The following SNTG1 variants were observed in gnomAD, a reference collection of about 807,000 sequenced individuals.
SNTG1 encodes syntrophin gamma 1, also known as gamma-1-syntrophin.
Under a neutral mutation model 74.7 loss-of-function variants are expected in SNTG1, and 39 were observed. The ratio of observed to expected loss-of-function variants is 0.52; its 90% confidence interval spans 0.40 to 0.68. SNTG1 has a LOEUF of 0.68. SNTG1 is among the 30% of genes least tolerant of loss of function. The pLI, the probability that SNTG1 is intolerant of heterozygous loss-of-function variation, is 0.00. For synonymous variants in SNTG1, 254 were observed against 217.1 expected, an observed-to-expected ratio of 1.17 and a Z score of -1.49; for missense variants, 685 against 609.5, an observed-to-expected ratio of 1.12 and a Z score of -1.30.
At chr8:50,614,356 G>A (rs1310893587) in intron 13 of SNTG1, among the ~76,000 whole-genome samples, 1 of 151,950 alleles carries the variant, frequency 6.6e-6, no homozygotes, top group African/African-American at 2.4e-5. Flanking sequence ...TAGATAAGAA[G>A]GCCTACAATT....
intron 2 of SNTG1, among the ~76,000 whole-genome samples, chr8:50,288,461 G>T (rs2130525139): frequency 6.6e-6 from 1 of 152,292 alleles, no homozygotes; most frequent in East Asian, 1.9e-4. Context: ...ACTATATTGA[G>T]AAATTCCACC....
chr8:50,572,844 C>A (rs1282353616), intron 12 of SNTG1, among the ~76,000 whole-genome samples: 1 of 152,050 alleles, frequency 6.6e-6, no homozygotes, highest in African/African-American at 2.4e-5. Flanking sequence ...TAGCATTGGC[C>A]ACACATCTCT....
chr8:49,959,791 A>G (rs1810516272), intron 1 of SNTG1, among the ~76,000 whole-genome samples: 1 of 152,212 alleles, frequency 6.6e-6, no homozygotes, highest in African/African-American at 2.4e-5. Flanking sequence ...GAAGTATGCT[A>G]TAATTTACAG....
At chr8:50,650,295 C>A (rs1016207080) in intron 13 of SNTG1, among the ~76,000 whole-genome samples, 1 of 151,916 alleles carries the variant, frequency 6.6e-6, no homozygotes, top group East Asian at 1.9e-4. Flanking sequence ...TATATTGATG[C>A]TTTTAAATCT....
intron 2 of SNTG1, among the ~76,000 whole-genome samples, chr8:50,296,282 T>A (rs1193636867): frequency 6.6e-6 from 1 of 152,232 alleles, no homozygotes; most frequent in African/African-American, 2.4e-5. Context: ...CAAAGGAATA[T>A]AAATTATTCT....
At chr8:50,135,172 T>TC (rs2081433211) in intron 1 of SNTG1, among the ~76,000 whole-genome samples, 1 of 152,148 alleles carries the variant, frequency 6.6e-6, no homozygotes, top group East Asian at 1.9e-4. Context: ...GCATGAAAAG[T>TC]CAATTGATCT....
intron 1 of SNTG1, chr8:50,163,847 A>T (rs1445096104): frequency 6.6e-6 from 1 of 152,104 alleles, no homozygotes; most frequent in East Asian, 1.9e-4. Flanking sequence ...GTAGTTTAAG[A>T]TTCTAAATGG....
chr8:50,397,045 G>A (rs889679020), intron 3 of SNTG1, among the ~76,000 whole-genome samples: 9 of 152,148 alleles, frequency 5.9e-5, no homozygotes, highest in African/African-American at 2.2e-4. Flanking sequence ...TAAGCAAATA[G>A]TCTCCAATGT....
At chr8:50,572,666 G>A (rs1300635960) in intron 12 of SNTG1, among the ~76,000 whole-genome samples, 1 of 152,112 alleles carries the variant, frequency 6.6e-6, no homozygotes, top group Admixed American at 6.6e-5. Flanking sequence ...AGCTCTAGAA[G>A]CAAAAGTCAT....
At chr8:50,238,829 A>G (rs1304731514) in intron 2 of SNTG1, among the ~76,000 whole-genome samples, 26 of 152,306 alleles carry the variant, frequency 1.7e-4, no homozygotes, top group Admixed American at 1.5e-3. Flanking sequence ...AAAGATGAGC[A>G]ATGTTCATAG....
At chr8:50,561,277 T>C (rs914086550) in intron 12 of SNTG1, among the ~76,000 whole-genome samples, 5 of 152,294 alleles carry the variant, frequency 3.3e-5, no homozygotes, top group Admixed American at 2.6e-4. Context: ...GTAAGTTTCC[T>C]GAGGCCTCCC....
At chr8:50,647,892 A>AT (rs35004246) in intron 13 of SNTG1, among the ~76,000 whole-genome samples, 31,926 of 149,038 alleles carry the variant, frequency 0.21, 3,680 homozygotes, top group African/African-American at 0.3. Context: ...CCATTTTTAC[A>AT]TTTTTTTTTT....
rs183316885 is a variant in SNTG1 at position 50,720,684 on chromosome 8, A to G, written c.1284+11706A>G. Among the ~76,000 whole-genome samples, 270 of 152,330 alleles carry G rather than the reference A, an allele frequency of 1.8e-3. 2 individuals carry two copies. The highest frequency in any genetic ancestry group is 6.8e-3 in the Middle Eastern group (2 of 292). On this transcript the variant is annotated intron_variant, in intron 17 of 18. Transcript: ENST00000642720. ...GATTCATCAAGACAATTTGCAAAGG[A>G]TAAAAGGTATGTTTACGGTTATTGC...
chr8:50,004,810 C>T (rs1471679189), intron 1 of SNTG1, among the ~76,000 whole-genome samples: 1 of 152,160 alleles, frequency 6.6e-6, no homozygotes, highest in Admixed American at 6.5e-5. Flanking sequence ...AGCCCTATGG[C>T]TACTTAGAAC....
At position 50,367,457 on chromosome 8, in the gene SNTG1, C is replaced by A. The variant is rs114563118; in HGVS notation, c.-27-26755C>A. Among the ~76,000 whole-genome samples the A allele has an allele frequency of 3.1e-3, 471 of 152,088 alleles. 2 individuals carry two copies. The highest frequency in any genetic ancestry group is 0.011 in the African/African-American group (450 of 41,522). ...ATATATACATTAGATTTTAACCCTGCATATAAAATTTATTATTTTTTATTT... is the reference window on the plus strand; with the variant it reads ...ATATATACATTAGATTTTAACCCTGAATATAAAATTTATTATTTTTTATTT... On this transcript the variant is annotated intron_variant, in intron 2 of 18. Coordinates refer to ENST00000642720, the MANE Select transcript of SNTG1 (RefSeq NM_018967.5).
chr8:50,702,101 C>T (rs529527483), intron 15 of SNTG1, among the ~76,000 whole-genome samples: 1 of 152,142 alleles, frequency 6.6e-6, no homozygotes, highest in South Asian at 2.1e-4. Flanking sequence ...ATCTGCCCAC[C>T]TCGGCCTCCC....
intron 18 of SNTG1, among the ~76,000 whole-genome samples, chr8:50,769,750 A>T (rs1442804446): frequency 6.6e-6 from 1 of 152,060 alleles, no homozygotes; most frequent in African/African-American, 2.4e-5. Flanking sequence ...AATATTCACC[A>T]AATAATTTAA....
chr8:50,440,432 A>T (rs1038775131), intron 5 of SNTG1, among the ~76,000 whole-genome samples: 5 of 152,070 alleles, frequency 3.3e-5, no homozygotes, highest in African/African-American at 1.2e-4. Flanking sequence ...TAGCAGTGTT[A>T]TTACAAAAAT....
At chr8:50,559,581 C>A (rs970367874) in intron 12 of SNTG1, among the ~76,000 whole-genome samples, 2 of 151,944 alleles carry the variant, frequency 1.3e-5, no homozygotes, top group Non-Finnish European at 2.9e-5. Flanking sequence ...GATTGAAAGT[C>A]AAAATTTAGA....
Sources: allele counts gnomAD v4.1 joint callset (sites outside exome capture counted in the v4.1 genomes callset), GRCh38; gene constraint gnomAD v4.1.1; transcripts MANE v1.5; gene names NCBI Gene and HGNC (gene_info 2026-07-23, HGNC 2026-07-21).